The following EFCAB6 variants were observed in gnomAD, a reference collection of about 807,000 sequenced individuals.
EFCAB6 encodes EF-hand calcium-binding domain-containing protein 6.
Under a neutral mutation model 169.8 loss-of-function variants are expected in EFCAB6, and 156 were observed. The ratio of observed to expected loss-of-function variants is 0.92; its 90% confidence interval spans 0.81 to 1.05. The LOEUF (loss-of-function observed/expected upper bound fraction) is 1.05, where lower values mean the gene tolerates loss of function less well. EFCAB6 is among the 50% of genes least tolerant of loss of function. The probability of loss-of-function intolerance (pLI) is 0.00; values close to 1 mark genes in which losing one functional copy is unlikely to be tolerated. For missense variants in EFCAB6, 1,800 were observed against 1,829.1 expected, an observed-to-expected ratio of 0.98 and a Z score of 0.29; for synonymous variants, 698 against 676.4, an observed-to-expected ratio of 1.03 and a Z score of -0.50.
chr22:43,658,049 T>A (rs903027049), intron 17 of EFCAB6, among the ~76,000 whole-genome samples: 21 of 151,962 alleles, frequency 1.4e-4, no homozygotes, highest in African/African-American at 5.1e-4. Flanking sequence ...GCCAACATGG[T>A]GAAACCCCGT....
intron 2 of EFCAB6, among the ~76,000 whole-genome samples, chr22:43,803,206 G>T (rs961916296): frequency 6.6e-6 from 1 of 152,150 alleles, no homozygotes; most frequent in African/African-American, 2.4e-5. Context: ...GGACTTTCCA[G>T]TGAAACCACT....
intron 2 of EFCAB6, among the ~76,000 whole-genome samples, chr22:43,801,063 A>G (rs1032439518): frequency 6.6e-6 from 1 of 152,190 alleles, no homozygotes. Flanking sequence ...ACTAGAGAGA[A>G]TCCTAAAAAC....
At position 43,589,280 on chromosome 22, in the gene EFCAB6, CAAAAAAAAAAAAAAAAAAAAAAAAA is replaced by C. The variant is rs1163346832; in HGVS notation, c.3032+769_3032+793del. On this transcript the variant is annotated intron_variant, in intron 24 of 31. Coordinates refer to ENST00000262726, the MANE Select transcript of EFCAB6 (RefSeq NM_022785.4). ...TGGGTAACAGAGGGAGACTTCATGT[CAAAAAAAAAAAAAAAAAAAAAAAAA>C]AAAAAAAAAAAAAAAAGAAGTACAG... 5.3e-3 allele frequency among the ~76,000 whole-genome samples: 426 copies of C among 80,956 alleles called. 3 individuals are homozygous for C. Among genetic ancestry groups the C allele is most frequent in the African/African-American group, 0.026 (341 of 13,364 alleles). The allele number at this position is 80,956 out of a possible 152,430, so 53.1% of individuals were successfully genotyped here.
At chr22:43,676,040 A>T (rs1275799627) in intron 13 of EFCAB6, among the ~76,000 whole-genome samples, 1 of 152,008 alleles carries the variant, frequency 6.6e-6, no homozygotes, top group Non-Finnish European at 1.5e-5. Context: ...CTTATTTATG[A>T]TGAGTTTTTA....
chr22:43,593,968 A>C (rs1602487800), intron 23 of EFCAB6, among the ~76,000 whole-genome samples: 1 of 152,174 alleles, frequency 6.6e-6, no homozygotes, highest in South Asian at 2.1e-4. Flanking sequence ...TTTCTCTGTT[A>C]TAAATGTTAA....
chr22:43,793,514 G>A (rs2062386301), intron 2 of EFCAB6, among the ~76,000 whole-genome samples: 1 of 152,188 alleles, frequency 6.6e-6, no homozygotes. Flanking sequence ...TAGGGTCTAG[G>A]AAGAGAAAGA....
intron 31 of EFCAB6, chr22:43,530,522 G>A (rs1484110586): frequency 2.9e-5 from 29 of 985,312 alleles, no homozygotes; most frequent in Non-Finnish European, 3.4e-5. Flanking sequence ...AGCAGTGATG[G>A]CAGTGCCTTA....
intron 22 of EFCAB6, among the ~76,000 whole-genome samples, chr22:43,605,316 C>A (rs1282395826): frequency 2.0e-5 from 3 of 152,134 alleles, no homozygotes; most frequent in African/African-American, 7.2e-5. Context: ...AAAACTGACC[C>A]CTTCCTTGCT....
chr22:43,561,430 T>C (rs555560474), intron 26 of EFCAB6, among the ~76,000 whole-genome samples: 75 of 151,536 alleles, frequency 4.9e-4, no homozygotes, highest in Middle Eastern at 3.5e-3. Flanking sequence ...AAATGATCAC[T>C]GAAAACCCCG....
intron 31 of EFCAB6, among the ~76,000 whole-genome samples, chr22:43,530,078 T>G (rs1024295311): frequency 5.9e-5 from 9 of 152,350 alleles, no homozygotes; most frequent in African/African-American, 2.2e-4. Context: ...GCCTGGTGTC[T>G]GAGACGGCCC....
At chr22:43,661,288 G>A (rs920965531) in intron 17 of EFCAB6, among the ~76,000 whole-genome samples, 4 of 152,108 alleles carry the variant, frequency 2.6e-5, no homozygotes, top group African/African-American at 9.7e-5. Context: ...TGCAGTGGGA[G>A]GATCACTTCA....
chr22:43,580,712 G>A lies in EFCAB6; in HGVS notation c.3033-53C>T. The A allele has an allele frequency of 3.2e-6, 5 of 1,578,414 alleles. No individual in the cohort carries two copies. In the South Asian group the frequency reaches 4.6e-5, roughly 14 times the overall value. ...ATTCATTTTAAAAAGCCACCCTACT[G>A]CTTATTCATTCAACAGTTGCTGAGC... On this transcript the variant is annotated intron_variant, in intron 24 of 31. Transcript: ENST00000262726.
chr22:43,651,195 A>G (rs1186252117), intron 17 of EFCAB6, among the ~76,000 whole-genome samples: 1 of 152,168 alleles, frequency 6.6e-6, no homozygotes, highest in African/African-American at 2.4e-5. Flanking sequence ...CTAGGAGGAA[A>G]AAGCAGTTTC....
chr22:43,529,215 C>G (rs897108631), intron 31 of EFCAB6, among the ~76,000 whole-genome samples: 3 of 152,206 alleles, frequency 2.0e-5, no homozygotes, highest in African/African-American at 7.2e-5. Context: ...AGGTTGATCA[C>G]CTTTGCCTCC....
rs769254859 is a variant in EFCAB6, at chr22:43,576,492, AAAAG to A, written c.3229-8_3229-5del. On this transcript the variant is annotated splice_polypyrimidine_tract_variant and splice_region_variant and intron_variant, in intron 25 of 31. Transcript: ENST00000262726. ...CTTTATCCAATGCAGAAAATGCCTAAAAAGAAAGAAAAGAAAAAAAGATGGCAAA... is the reference window on the plus strand; with the variant it reads ...CTTTATCCAATGCAGAAAATGCCTAAAAAGAAAAGAAAAAAAGATGGCAAA... The A allele has an allele frequency of 1.1e-5, 17 of 1,514,858 alleles. No homozygotes were observed. The highest frequency in any genetic ancestry group is 2.6e-5 in the Admixed American group (1 of 38,704). 93.8% of individuals were successfully genotyped at this position (1,514,858 alleles called of 1,614,324 possible).
chr22:43,711,748 C>T, intron 9 of EFCAB6, 125 bp from the exon 10 acceptor site: 1 of 1,147,822 alleles, frequency 8.7e-7, no homozygotes, highest in Non-Finnish European at 1.2e-6. Context: ...AAAAAGGTTA[C>T]TATGGCATGT....
rs1359115575 is a variant in EFCAB6, at chr22:43,575,150, CAT to C, written c.3420+1145_3420+1146del. On this transcript the variant is annotated intron_variant, in intron 26 of 31. Coordinates refer to ENST00000262726, the MANE Select transcript of EFCAB6 (RefSeq NM_022785.4). Reference sequence around the variant, plus strand: ...CGAATGGCAGCATGTTATTCACAATCATATATTCAGTTAATAGACTGTTTTTG... The same window carrying C: ...CGAATGGCAGCATGTTATTCACAATCATATTCAGTTAATAGACTGTTTTTG... Among the ~76,000 whole-genome samples, 4 of 151,366 alleles carry C rather than the reference CAT, an allele frequency of 2.6e-5. No homozygotes were observed. In the East Asian group the frequency reaches 7.9e-4, roughly 30 times the overall value.
intron 7 of EFCAB6, among the ~76,000 whole-genome samples, chr22:43,734,151 C>T (rs1010333091): frequency 6.6e-6 from 1 of 151,730 alleles, no homozygotes; most frequent in East Asian, 1.9e-4. Flanking sequence ...CACCAAGAGC[C>T]GAATGTTGAT....
intron 17 of EFCAB6, 72 bp downstream of exon 17, chr22:43,667,032 T>G: frequency 6.6e-7 from 1 of 1,523,094 alleles, no homozygotes; most frequent in Non-Finnish European, 8.9e-7. Flanking sequence ...CCATTGTCCT[T>G]TAAAGTATGT....
Sources: allele counts gnomAD v4.1 joint callset (sites outside exome capture counted in the v4.1 genomes callset), GRCh38; gene constraint gnomAD v4.1.1; transcripts MANE v1.5; gene names NCBI Gene and HGNC (gene_info 2026-07-23, HGNC 2026-07-21).